PSMA6: variants seen among roughly 807,000 people sequenced by gnomAD.
PSMA6 encodes the protein proteasome subunit alpha type-6.
For missense variants in PSMA6, 170 were observed against 294.8 expected, an observed-to-expected ratio of 0.58 and a Z score of 3.10; for synonymous variants, 88 against 97.7, an observed-to-expected ratio of 0.90 and a Z score of 0.59.
At chr14:35,313,166 G>C (rs2051977436) in intron 5 of PSMA6, 107 bp downstream of exon 5, 1 of 1,074,852 alleles carries the variant, frequency 9.3e-7, no homozygotes. Flanking sequence ...CAGGATTCAA[G>C]TTGTCAACTT....
At chr14:35,280,604 A>G (rs2051356330) in intron 1 of PSMA6, among the ~76,000 whole-genome samples, 1 of 148,484 alleles carries the variant, frequency 6.7e-6, no homozygotes, top group Non-Finnish European at 1.5e-5. Context: ...CTGGTCTTAA[A>G]CTCCTGACCT....
At chr14:35,306,522 G>A (rs1025109795) in intron 1 of PSMA6, among the ~76,000 whole-genome samples, 2 of 152,078 alleles carry the variant, frequency 1.3e-5, no homozygotes, top group African/African-American at 4.8e-5. Flanking sequence ...TAGTCAACAT[G>A]GTGAAACCCT....
intron 6 of PSMA6, chr14:35,316,153 A>G (rs1276871329): frequency 1.3e-5 from 2 of 152,202 alleles, no homozygotes; most frequent in Non-Finnish European, 2.9e-5. Context: ...TGGGAGGCCA[A>G]AGTGGACAGA....
Position 35,281,538 on chromosome 14 carries a change from G to C in PSMA6, c.19+2820G>C, listed in dbSNP as rs537756165. Among the ~76,000 whole-genome samples, 100 of 152,244 alleles carry C rather than the reference G, an allele frequency of 6.6e-4. 1 individual carries two copies. The highest frequency in any genetic ancestry group is 3.3e-3 in the Admixed American group (50 of 15,276). ...ATGCCAATGCTGCAGACTGTAATTT[G>C]AGAAGTAAGGGCCTCAGTGAGCTCC... On this transcript the variant is annotated intron_variant, in intron 1 of 6. Coordinates refer to the PSMA6 transcript ENST00000540871.
At chr14:35,288,302 A>G (rs186634867), upstream of PSMA6, among the ~76,000 whole-genome samples, 1 of 152,346 alleles carries the variant, frequency 6.6e-6, no homozygotes, top group Non-Finnish European at 1.5e-5. Flanking sequence ...GTTTGAGACC[A>G]AACTGGCCAA....
chr14:35,300,483 T>C (rs1325841580), intron 1 of PSMA6, among the ~76,000 whole-genome samples: 1 of 151,526 alleles, frequency 6.6e-6, no homozygotes, highest in Admixed American at 6.6e-5. Flanking sequence ...GAAAAGAAAA[T>C]AAAAAGGGGA....
chr14:35,287,518 A>T (rs1458617983), upstream of PSMA6, among the ~76,000 whole-genome samples: 1 of 150,632 alleles, frequency 6.6e-6, no homozygotes, highest in East Asian at 2.0e-4. Context: ...GTGATTCAGC[A>T]TGTCTGCAGT....
chr14:35,299,412 T>C (rs1053688874), intron 1 of PSMA6, among the ~76,000 whole-genome samples: 2 of 145,584 alleles, frequency 1.4e-5, no homozygotes, highest in Non-Finnish European at 3.0e-5. Flanking sequence ...GACCTCTGTC[T>C]CCTGGGTTCA....
chr14:35,297,370 C>T (rs934423890), intron 1 of PSMA6, among the ~76,000 whole-genome samples: 3 of 151,726 alleles, frequency 2.0e-5, no homozygotes, highest in African/African-American at 7.3e-5. Context: ...CGCCTGCCTC[C>T]GAGCCCAGCT....
At chr14:35,294,499 C>T (rs1417705799) in intron 1 of PSMA6, among the ~76,000 whole-genome samples, 1 of 152,208 alleles carries the variant, frequency 6.6e-6, no homozygotes, top group Non-Finnish European at 1.5e-5. Context: ...CTCTGCCCTG[C>T]TCCATACTAC....
upstream of PSMA6, among the ~76,000 whole-genome samples, chr14:35,287,384 A>G (rs115097920): frequency 7.8e-3 from 1,187 of 152,084 alleles, 23 homozygotes; most frequent in African/African-American, 0.027. Flanking sequence ...CTGTGTTTCA[A>G]CCCCTGCTAA....
chr14:35,283,285 G>A (rs1051574366), intron 1 of PSMA6, among the ~76,000 whole-genome samples: 1 of 151,366 alleles, frequency 6.6e-6, no homozygotes, highest in East Asian at 2.0e-4. Context: ...CTAACACTTC[G>A]GGAGGCTGAG....
chr14:35,291,435 T>A (rs1318846079), upstream of PSMA6, among the ~76,000 whole-genome samples: 3 of 152,062 alleles, frequency 2.0e-5, no homozygotes, highest in Non-Finnish European at 4.4e-5. Context: ...TTAGCCAGGA[T>A]GGTCTCAATC....
chr14:35,297,232 G>T (rs778098118), intron 1 of PSMA6, among the ~76,000 whole-genome samples: 1 of 146,684 alleles, frequency 6.8e-6, no homozygotes, highest in Admixed American at 7.0e-5. Context: ...ATTTTTTTGG[G>T]GGGGATTGAG....
chr14:35,292,652 C>G, intron 1 of PSMA6, 100 bp downstream of exon 1: 1 of 1,542,308 alleles, frequency 6.5e-7, no homozygotes, highest in Non-Finnish European at 8.7e-7. Flanking sequence ...GGGGCCGAAG[C>G]TGGGCTGGAG....
At chr14:35,309,459 G>A (rs1326262368) in intron 3 of PSMA6, among the ~76,000 whole-genome samples, 1 of 152,052 alleles carries the variant, frequency 6.6e-6, no homozygotes, top group Non-Finnish European at 1.5e-5. Context: ...AAACCAGCCT[G>A]GGCAACATGG....
intron 1 of PSMA6, among the ~76,000 whole-genome samples, chr14:35,284,061 T>C (rs1289062342): frequency 6.6e-6 from 1 of 152,156 alleles, no homozygotes; most frequent in Non-Finnish European, 1.5e-5. Context: ...GCCACTCTCC[T>C]TGCTCAAAAA....
upstream of PSMA6, among the ~76,000 whole-genome samples, chr14:35,291,051 G>A (rs1210796841): frequency 6.6e-6 from 1 of 151,592 alleles, no homozygotes; most frequent in Non-Finnish European, 1.5e-5. Flanking sequence ...GAGTGCAGTG[G>A]CGTGATCATA....
chr14:35,291,437 G>T (rs2051478366), upstream of PSMA6, among the ~76,000 whole-genome samples: 1 of 152,034 alleles, frequency 6.6e-6, no homozygotes, highest in Non-Finnish European at 1.5e-5. Flanking sequence ...AGCCAGGATG[G>T]TCTCAATCTC....
Sources: gnomAD v4.1 joint callset for allele counts (sites outside exome capture counted in the v4.1 genomes callset) on GRCh38, gnomAD v4.1.1 for gene constraint, MANE v1.5 for transcripts, NCBI Gene and HGNC (gene_info 2026-07-23, HGNC 2026-07-21) for gene names.